Variants in BBS9 observed in about 807,000 individuals in gnomAD.
BBS9 encodes Bardet-Biedl syndrome 9, also known as protein PTHB1.
In BBS9, 89 loss-of-function variants were observed where a neutral mutation model predicts 117.7. The observed-to-expected ratio is 0.76, with a 90% confidence interval of 0.64 to 0.90. The LOEUF (loss-of-function observed/expected upper bound fraction) is 0.90. Ranked by LOEUF, BBS9 falls within the 40% of genes least tolerant of loss-of-function variation. The pLI, the probability that BBS9 is intolerant of heterozygous loss-of-function variation, is 0.00. For synonymous variants in BBS9, 379 were observed against 370.9 expected (o/e 1.02, Z -0.25); for missense variants, 982 against 1,042.2 (o/e 0.94, Z 0.80).
At chr7:33,443,438 T>C (rs1271608192) in intron 19 of BBS9, among the ~76,000 whole-genome samples, 8 of 152,170 alleles carry the variant, frequency 5.3e-5, no homozygotes, top group Non-Finnish European at 8.8e-5. Flanking sequence ...GGGAAACCCC[T>C]ATATTTTTCT....
At chr7:33,349,676 CT>C (rs2128663233) in intron 13 of BBS9, among the ~76,000 whole-genome samples, 1 of 152,302 alleles carries the variant, frequency 6.6e-6, no homozygotes, top group South Asian at 2.1e-4. Context: ...AGCAATTTGC[CT>C]ATCTCGGCCT....
chr7:33,310,765 T>A (rs1176426669), intron 9 of BBS9, among the ~76,000 whole-genome samples: 3 of 152,218 alleles, frequency 2.0e-5, no homozygotes, highest in Non-Finnish European at 4.4e-5. Flanking sequence ...AAACATCCTG[T>A]GATACATGAG....
chr7:33,255,255 T>G (rs1304977700), intron 5 of BBS9, among the ~76,000 whole-genome samples: 1 of 152,158 alleles, frequency 6.6e-6, no homozygotes, highest in Non-Finnish European at 1.5e-5. Flanking sequence ...TACCATATGT[T>G]TACCTTCTGG....
intron 19 of BBS9, among the ~76,000 whole-genome samples, chr7:33,448,804 T>C (rs1319493196): frequency 6.6e-6 from 1 of 152,244 alleles, no homozygotes; most frequent in African/African-American, 2.4e-5. Context: ...GCTGTCTCCC[T>C]AGTATTTGAC....
At chr7:33,350,500 C>T (rs927397876) in intron 13 of BBS9, among the ~76,000 whole-genome samples, 4 of 152,186 alleles carry the variant, frequency 2.6e-5, no homozygotes, top group Non-Finnish European at 4.4e-5. Context: ...TGAGCACGCA[C>T]AATCTGTTAA....
At chr7:33,319,530 C>G (rs1244052088) in intron 9 of BBS9, among the ~76,000 whole-genome samples, 2 of 152,118 alleles carry the variant, frequency 1.3e-5, no homozygotes, top group Non-Finnish European at 2.9e-5. Flanking sequence ...GAAGTGTTCC[C>G]TTTTCACCCC....
Position 33,141,261 on chromosome 7 carries a change from A to G in BBS9, c.-11-4981A>G, listed in dbSNP as rs376960104. 4.6e-5 allele frequency among the ~76,000 whole-genome samples: 7 copies of G among 152,260 alleles called. No individual in the cohort carries two copies. The East Asian group carries it at 5.8e-4, about 13-fold the overall frequency. On this transcript the variant is annotated intron_variant, in intron 1 of 22. Transcript: ENST00000242067. ...AACATGGGGAAACTCCATCTCTACT[A>G]AAATACAAAAATTAGCTGGGCGTGT...
chr7:33,600,323 T>A (rs1012345223), intron 21 of BBS9, among the ~76,000 whole-genome samples: 3 of 152,312 alleles, frequency 2.0e-5, no homozygotes, highest in African/African-American at 7.2e-5. Flanking sequence ...TTAATTTTTC[T>A]ACTAGTTCTT....
intron 19 of BBS9, among the ~76,000 whole-genome samples, chr7:33,436,481 T>A (rs775037491): frequency 8.5e-5 from 13 of 152,240 alleles, no homozygotes; most frequent in Non-Finnish European, 1.9e-4. Flanking sequence ...ATTATATAAT[T>A]GATACTTGTA....
At chr7:33,193,391 G>T (rs1022112743) in intron 5 of BBS9, among the ~76,000 whole-genome samples, 1 of 145,316 alleles carries the variant, frequency 6.9e-6, no homozygotes, top group African/African-American at 2.5e-5. Flanking sequence ...TCTGTCTTTC[G>T]CATATTGTCT....
At chr7:33,580,225 GT>G (rs1859645876) in intron 21 of BBS9, among the ~76,000 whole-genome samples, 2 of 151,782 alleles carry the variant, frequency 1.3e-5, no homozygotes, top group African/African-American at 4.8e-5. Context: ...CTCCAGCACG[GT>G]ACCCTCTTCA....
intron 9 of BBS9, among the ~76,000 whole-genome samples, chr7:33,311,245 G>A (rs1250294562): frequency 1.3e-5 from 2 of 152,154 alleles, no homozygotes; most frequent in African/African-American, 2.4e-5. Flanking sequence ...GGGATGGGAG[G>A]TAGGTGATGA....
chr7:33,279,637 C>T (rs1801439489), intron 9 of BBS9, among the ~76,000 whole-genome samples: 1 of 152,186 alleles, frequency 6.6e-6, no homozygotes, highest in South Asian at 2.1e-4. Flanking sequence ...TCCACTCCCA[C>T]CTACTTGGCA....
intron 2 of BBS9, among the ~76,000 whole-genome samples, chr7:33,152,217 A>G (rs181558743): frequency 1.3e-5 from 2 of 152,256 alleles, no homozygotes; most frequent in African/African-American, 4.8e-5. Context: ...ACACAATTTA[A>G]CTTACAACAC....
At chr7:33,370,702 C>T (rs1189157518) in intron 17 of BBS9, among the ~76,000 whole-genome samples, 1 of 152,120 alleles carries the variant, frequency 6.6e-6, no homozygotes, top group African/African-American at 2.4e-5. Flanking sequence ...TATTCTTACG[C>T]TGCTTTCCTA....
intron 19 of BBS9, 71 bp from the exon 20 acceptor site, chr7:33,505,392 T>G: frequency 6.8e-7 from 1 of 1,463,368 alleles, no homozygotes; most frequent in Non-Finnish European, 9.6e-7. Flanking sequence ...AACAAAAGTG[T>G]GCCAGACATA....
At chr7:33,620,418 G>A (rs1236280463) in intron 21 of BBS9, among the ~76,000 whole-genome samples, 5 of 151,768 alleles carry the variant, frequency 3.3e-5, no homozygotes, top group South Asian at 2.1e-4. Flanking sequence ...GTTGCGGGAC[G>A]AAAATCAACA....
At chr7:33,235,328 G>A (rs988538577) in intron 5 of BBS9, among the ~76,000 whole-genome samples, 2 of 152,106 alleles carry the variant, frequency 1.3e-5, no homozygotes, top group Non-Finnish European at 2.9e-5. Flanking sequence ...TGAGCAGGAG[G>A]TGGCAATCTT....
At chr7:33,576,229 T>A (rs574661995) in intron 21 of BBS9, among the ~76,000 whole-genome samples, 1 of 152,300 alleles carries the variant, frequency 6.6e-6, no homozygotes, top group East Asian at 1.9e-4. Context: ...AAAATCAATG[T>A]GCAGAAATCA....
Sources: allele counts gnomAD v4.1 joint callset (sites outside exome capture counted in the v4.1 genomes callset), GRCh38; gene constraint gnomAD v4.1.1; transcripts MANE v1.5; gene names NCBI Gene and HGNC (gene_info 2026-07-23, HGNC 2026-07-21).